Variants in PRKCB observed in about 807,000 individuals in gnomAD.
The protein encoded by PRKCB is protein kinase C beta.
A neutral mutation model predicts 81.5 loss-of-function variants in PRKCB; 13 were observed. That is an observed-to-expected ratio of 0.16 (90% CI 0.10 to 0.25). The LOEUF is 0.25. PRKCB is among the 10% of genes least tolerant of loss of function. The pLI is 1.00. For missense variants in PRKCB, 509 were observed against 875.7 expected (o/e 0.58, Z 5.29); for synonymous variants, 335 against 321.4 (o/e 1.04, Z -0.45).
At chr16:23,931,968 C>T (rs1040968693) in intron 2 of PRKCB, among the ~76,000 whole-genome samples, 2 of 152,080 alleles carry the variant, frequency 1.3e-5, no homozygotes, top group African/African-American at 2.4e-5. Flanking sequence ...CACAGAAAGT[C>T]AAATAGACAT....
In PRKCB at chr16:24,035,355, G is replaced by T. The variant is rs553046976; in HGVS notation, c.401-64G>T. The T allele has an allele frequency of 7.0e-6, 11 of 1,576,622 alleles. No homozygotes were observed. In the African/African-American group the frequency reaches 1.2e-4, roughly 17 times the overall value. On this transcript the variant is annotated intron_variant, in intron 4 of 16. Coordinates refer to ENST00000643927, the MANE Select transcript of PRKCB (RefSeq NM_002738.7). Reference sequence around the variant, plus strand: ...GAAGGGCTCAGCGGTCTTGGGTGGGGCAGATGTCTGCAGCCCCCAGCCTGG... The same window carrying T: ...GAAGGGCTCAGCGGTCTTGGGTGGGTCAGATGTCTGCAGCCCCCAGCCTGG...
At chr16:23,987,692 A>G (rs548797420) in intron 2 of PRKCB, among the ~76,000 whole-genome samples, 99 of 152,286 alleles carry the variant, frequency 6.5e-4, no homozygotes, top group Admixed American at 1.5e-3. Flanking sequence ...CACTTTAGAA[A>G]GGCTCTGAGC....
chr16:23,856,467 A>G (rs899670644), intron 2 of PRKCB, among the ~76,000 whole-genome samples: 5 of 152,158 alleles, frequency 3.3e-5, no homozygotes, highest in Non-Finnish European at 5.9e-5. Flanking sequence ...CCATGAAGAA[A>G]GCAGAACAGA....
chr16:24,180,686 C>G (rs1967605355), intron 12 of PRKCB, 104 bp from the exon 13 acceptor site: 1 of 1,384,224 alleles, frequency 7.2e-7, no homozygotes, highest in African/African-American at 1.4e-5. Context: ...ACCTTTGTGC[C>G]CACACAACAC....
chr16:23,865,100 T>A (rs1489168075), intron 2 of PRKCB, among the ~76,000 whole-genome samples: 4 of 152,056 alleles, frequency 2.6e-5, no homozygotes, highest in Admixed American at 6.6e-5. Flanking sequence ...AAGCTGACAT[T>A]ATGACTGATC....
In PRKCB at chr16:23,998,993, T is replaced by C. The variant is rs528492585; in HGVS notation, c.288+10403T>C. On this transcript the variant is annotated intron_variant, in intron 3 of 16. Coordinates refer to ENST00000643927, the MANE Select transcript of PRKCB (RefSeq NM_002738.7). The stretch of plus-strand genomic sequence containing the variant: ...ATAGGATTTGGCAGCCTACCTGAAA[T>C]GATTCTATCTCTGGATACAGTTCCA... Among the ~76,000 whole-genome samples, 9 of 152,340 alleles carry C rather than the reference T, an allele frequency of 5.9e-5. No individual in the cohort carries two copies. In the South Asian group the frequency reaches 1.9e-3, roughly 32 times the overall value.
intron 7 of PRKCB, chr16:24,111,460 C>G (rs772869547): frequency 9.2e-5 from 14 of 151,728 alleles, no homozygotes; most frequent in Non-Finnish European, 1.5e-4. Context: ...TCTTTGTGGT[C>G]AAGAAACAAA....
chr16:24,167,920 A>G (rs530299581), intron 10 of PRKCB, among the ~76,000 whole-genome samples: 1 of 152,202 alleles, frequency 6.6e-6, no homozygotes, highest in Admixed American at 6.5e-5. Flanking sequence ...TACTTGTCAC[A>G]TTGAGTTTTG....
chr16:24,038,118 G>A (rs1965646402), intron 5 of PRKCB, among the ~76,000 whole-genome samples: 1 of 152,084 alleles, frequency 6.6e-6, no homozygotes, highest in Admixed American at 6.5e-5. Context: ...GGAGGTGGAG[G>A]TTGCAGTGAG....
At chr16:23,936,468 A>G (rs1964058894) in intron 2 of PRKCB, among the ~76,000 whole-genome samples, 1 of 151,764 alleles carries the variant, frequency 6.6e-6, no homozygotes, top group African/African-American at 2.4e-5. Flanking sequence ...GTTGCAGTAC[A>G]TTGGTGCGAT....
At chr16:24,113,258 C>T (rs1390174306) in intron 8 of PRKCB, among the ~76,000 whole-genome samples, 189 bp downstream of exon 8, 15 of 147,122 alleles carry the variant, frequency 1.0e-4, no homozygotes, top group Admixed American at 4.1e-4. Flanking sequence ...CTTGCTTTCT[C>T]GCTTTCTTCC....
At chr16:24,151,432 G>A (rs1967078468) in intron 9 of PRKCB, among the ~76,000 whole-genome samples, 3 of 152,152 alleles carry the variant, frequency 2.0e-5, no homozygotes, top group Admixed American at 2.0e-4. Context: ...TTTTTAAAAT[G>A]CTAAGCAAAT....
At chr16:24,142,968 C>T (rs1490501229) in intron 9 of PRKCB, among the ~76,000 whole-genome samples, 4 of 151,938 alleles carry the variant, frequency 2.6e-5, no homozygotes, top group South Asian at 4.2e-4. Context: ...TGTGGTCCCC[C>T]GGAGGCCTAC....
At chr16:23,875,891 TGTC>T (rs994595857) in intron 2 of PRKCB, among the ~76,000 whole-genome samples, 1 of 152,128 alleles carries the variant, frequency 6.6e-6, no homozygotes, top group Non-Finnish European at 1.5e-5. Context: ...TTTGAAAAAG[TGTC>T]GTAACTGACA....
intron 15 of PRKCB, among the ~76,000 whole-genome samples, chr16:24,186,746 G>A (rs902684455): frequency 5.9e-5 from 9 of 152,186 alleles, no homozygotes; most frequent in Non-Finnish European, 1.0e-4. Flanking sequence ...GGAATAGCTG[G>A]GCCAGCCTCT....
chr16:24,071,975 A>G (rs1966113638), intron 5 of PRKCB, among the ~76,000 whole-genome samples: 1 of 152,068 alleles, frequency 6.6e-6, no homozygotes, highest in East Asian at 1.9e-4. Context: ...GAGGGTGCCC[A>G]ATTCAGTTTG....
intron 8 of PRKCB, among the ~76,000 whole-genome samples, chr16:24,122,315 C>A (rs2141926945): frequency 6.6e-6 from 1 of 152,174 alleles, no homozygotes; most frequent in Middle Eastern, 3.4e-3. Flanking sequence ...CAGAGGGGCT[C>A]AGTCATCTGT....
chr16:23,851,819 C>G (rs1962476847), intron 2 of PRKCB, among the ~76,000 whole-genome samples: 1 of 151,876 alleles, frequency 6.6e-6, no homozygotes, highest in African/African-American at 2.4e-5. Flanking sequence ...ACATTTACAC[C>G]TAAGTAATTT....
In PRKCB at chr16:23,886,406, G is replaced by GTTTTTTTGTTTTTTTTTGTTT. The variant is rs1963201713; in HGVS notation, c.205+49007_205+49008insGTTTTTTTTTGTTTTTTTTTT. ...AGGGTTGGACTATGGTGTGTTAGGT[G>GTTTTTTTGTTTTTTTTTGTTT]TTTTTTTTTTTTTTTTTTTTTTTTT... On this transcript the variant is annotated intron_variant, in intron 2 of 16. Coordinates refer to ENST00000643927, the MANE Select transcript of PRKCB (RefSeq NM_002738.7). Among the ~76,000 whole-genome samples the GTTTTTTTGTTTTTTTTTGTTT allele has an allele frequency of 1.1e-3, 80 of 70,214 alleles. 1 individual carries two copies. Among genetic ancestry groups the GTTTTTTTGTTTTTTTTTGTTT allele is most frequent in the African/African-American group, 5.0e-3 (78 of 15,504 alleles). 46.1% of individuals were successfully genotyped at this position (70,214 alleles called of 152,430 possible). A position where few individuals can be genotyped will look rare whatever the true frequency, so the allele number is the denominator to read the frequency against.
Sources: allele counts gnomAD v4.1 joint callset (sites outside exome capture counted in the v4.1 genomes callset), GRCh38; gene constraint gnomAD v4.1.1; transcripts MANE v1.5; gene names NCBI Gene and HGNC (gene_info 2026-07-23, HGNC 2026-07-21).